MMP24: variants seen among roughly 807,000 people sequenced by gnomAD.
MMP24 encodes the protein matrix metallopeptidase 24.
MMP24 carries 25 observed loss-of-function variants against 62.8 expected under a neutral mutation model. That is an observed-to-expected ratio of 0.40 (90% CI 0.29 to 0.56). The LOEUF is 0.56. MMP24 is among the 20% of genes least tolerant of loss of function. MMP24 has a pLI of 0.50. For missense variants in MMP24, 634 were observed against 853.6 expected (o/e 0.74, Z 3.21); for synonymous variants, 319 against 350.5 (o/e 0.91, Z 1.00).
intron 7 of MMP24, among the ~76,000 whole-genome samples, chr20:35,270,451 C>T (rs750011300): frequency 4.6e-5 from 7 of 152,218 alleles, no homozygotes; most frequent in Non-Finnish European, 7.3e-5. Context: ...ACGGAGGCCC[C>T]GCCTTGGAAA....
chr20:35,263,817 C>G lies in MMP24; in HGVS notation c.844C>G (p.His282Asp). ...DGNDLFLVAV[H>D]ELGHALGLEH... ...GAACGACCTCTTCCTGGTGGCTGTG[C>G]ATGAGCTGGGCCACGCGCTGGGACT... Residue 282 changes from histidine (H) to aspartate (D), a missense_variant, in exon 5 of 9, where the codon CAT (histidine) becomes GAT (aspartate). Physicochemically the swap from His to Asp is moderately conservative, Grantham distance 81. Coordinates refer to ENST00000246186, the MANE Select transcript of MMP24 (RefSeq NM_006690.4). The G allele has an allele frequency of 6.3e-7, 1 of 1,593,402 alleles. No homozygotes were observed. Among genetic ancestry groups the G allele is most frequent in the Non-Finnish European group, 8.5e-7 (1 of 1,170,004 alleles).
At chr20:35,230,552 T>C (rs1284846081) in intron 1 of MMP24, among the ~76,000 whole-genome samples, 1 of 152,250 alleles carries the variant, frequency 6.6e-6, no homozygotes, top group African/African-American at 2.4e-5. Context: ...ATGGGACTCA[T>C]TGCCAACTTG....
At chr20:35,240,692 G>A (rs2060484790) in intron 1 of MMP24, among the ~76,000 whole-genome samples, 1 of 152,072 alleles carries the variant, frequency 6.6e-6, no homozygotes, top group Admixed American at 6.6e-5. Context: ...ATAGATACCA[G>A]GAATTGTGCT....
chr20:35,247,399 CAAACA>C (rs1250178396), intron 2 of MMP24, among the ~76,000 whole-genome samples: 3 of 151,994 alleles, frequency 2.0e-5, no homozygotes, highest in Non-Finnish European at 4.4e-5. Flanking sequence ...TTCCATTTAC[CAAACA>C]TGTGCTGGGT....
At chr20:35,264,415 G>A (rs1392815399) in intron 5 of MMP24, among the ~76,000 whole-genome samples, 2 of 152,194 alleles carry the variant, frequency 1.3e-5, no homozygotes, top group African/African-American at 4.8e-5. Context: ...ACGAGGGCCA[G>A]GCGTGGTGGC....
intron 2 of MMP24, 141 bp downstream of exon 2, chr20:35,247,129 C>A (rs1272371278): frequency 1.9e-6 from 2 of 1,062,542 alleles, no homozygotes; most frequent in African/African-American, 1.6e-5. Context: ...GAAAGAATAT[C>A]TCGATGTGAG....
chr20:35,267,226 A>G lies in MMP24; in HGVS notation c.1001A>G (p.Glu334Gly), dbSNP rs772943537. Residue 334 changes from glutamate (E) to glycine (G), a missense_variant, in exon 6 of 9, where the codon GAG becomes GGG. Transcript: ENST00000246186. ...KIYGPPAEPL[E>G]PTRPLPTLPV... is the part of the protein sequence containing the mutation. Reference sequence around the variant, plus strand: ...CCAGGACCCCCAGCCGAGCCTCTGGAGCCCACAAGGCCACTCCCTACACTC... The same window carrying G: ...CCAGGACCCCCAGCCGAGCCTCTGGGGCCCACAAGGCCACTCCCTACACTC... The G allele has an allele frequency of 5.6e-6, 9 of 1,601,016 alleles. No homozygotes were observed. The highest frequency in any genetic ancestry group is 6.8e-6 in the Non-Finnish European group (8 of 1,174,448).
intron 8 of MMP24, 191 bp downstream of exon 8, chr20:35,272,026 T>TC: frequency 1.5e-6 from 1 of 647,776 alleles, no homozygotes; most frequent in Non-Finnish European, 2.6e-6. Context: ...TCACACTTTT[T>TC]CATCTGCAGG....
chr20:35,233,357 CAGGATTGAACTACTGTACT>C (rs2060446367), intron 1 of MMP24, among the ~76,000 whole-genome samples: 1 of 151,952 alleles, frequency 6.6e-6, no homozygotes, highest in African/African-American at 2.4e-5. Flanking sequence ...TACAGTGAGC[CAGGATTGAACTACTGTACT>C]CCAGCCAAAG....
In MMP24 at chr20:35,276,046, G is replaced by A. The variant is rs2060703667; in HGVS notation, c.*1437G>A. 2.5e-6 allele frequency: 1 copy of A among 398,732 alleles called. No individual in the cohort carries two copies. The highest frequency in any genetic ancestry group is 4.4e-6 in the Non-Finnish European group (1 of 226,148). 24.7% of individuals were successfully genotyped at this position (398,732 alleles called of 1,614,324 possible). On this transcript the variant is annotated 3_prime_UTR_variant, in exon 9 of 9. Coordinates refer to ENST00000246186, the MANE Select transcript of MMP24 (RefSeq NM_006690.4). ...GGCTCTCTGCCAAAGCCAAAAAGGT[G>A]TCAGGCAGTCTCCAGCGTGCTGGCC... is the stretch of plus-strand genomic sequence containing the variant.
intron 5 of MMP24, among the ~76,000 whole-genome samples, chr20:35,264,769 G>GCTAT (rs1457680223): frequency 1.4e-5 from 2 of 147,948 alleles, no homozygotes; most frequent in African/African-American, 5.0e-5. Flanking sequence ...AGAAGCTACT[G>GCTAT]CTATCTAGGT....
rs2060689245 is a variant in MMP24 at position 35,274,149 on chromosome 20, C to T, written c.1601-123C>T. 8 of 974,960 alleles carry T rather than the reference C, an allele frequency of 8.2e-6. No individual in the cohort carries two copies. In the South Asian group the frequency reaches 1.3e-4, roughly 16 times the overall value. The allele number at this position is 974,960 out of a possible 1,614,324, so 60.4% of individuals were successfully genotyped here. A position where few individuals can be genotyped will look rare whatever the true frequency, so the allele number is the denominator to read the frequency against. On this transcript the variant is annotated intron_variant, in intron 8 of 8. Coordinates refer to ENST00000246186, the MANE Select transcript of MMP24 (RefSeq NM_006690.4). The surrounding 1 kb of genome is among the most constrained non-coding windows in gnomAD (Gnocchi z 5.1). ...CATGACTCAGCCAAGCACTGCACCC[C>T]AAACCTCCAGGTGTGCCCACCTTGC... is the stretch of plus-strand genomic sequence containing the variant.
At chr20:35,240,791 A>G (rs1180718929) in intron 1 of MMP24, among the ~76,000 whole-genome samples, 1 of 152,208 alleles carries the variant, frequency 6.6e-6, no homozygotes, top group African/African-American at 2.4e-5. Flanking sequence ...CTGTTCATTC[A>G]TTAACTCAGT....
At chr20:35,238,477 G>A (rs2060473910) in intron 1 of MMP24, among the ~76,000 whole-genome samples, 1 of 152,186 alleles carries the variant, frequency 6.6e-6, no homozygotes, top group Non-Finnish European at 1.5e-5. Context: ...GAGGAGGGGA[G>A]AGTGAACTGA....
intron 5 of MMP24, among the ~76,000 whole-genome samples, chr20:35,264,584 T>G (rs1414437733): frequency 2.0e-5 from 3 of 150,482 alleles, no homozygotes; most frequent in African/African-American, 7.3e-5. Context: ...GGTGGGCAAG[T>G]GAAATCTCAG....
At chr20:35,251,450 G>A (rs1158968017) in intron 2 of MMP24, among the ~76,000 whole-genome samples, 1 of 152,180 alleles carries the variant, frequency 6.6e-6, no homozygotes, top group Non-Finnish European at 1.5e-5. Flanking sequence ...TATTCTCAGT[G>A]TTTGGGGAAG....
chr20:35,265,407 A>C (rs2060627627), intron 5 of MMP24, among the ~76,000 whole-genome samples: 1 of 151,402 alleles, frequency 6.6e-6, no homozygotes, highest in African/African-American at 2.4e-5. Context: ...ACACCACTGC[A>C]CTCCAGCCTA....
At chr20:35,248,305 C>A (rs1236629912) in intron 2 of MMP24, among the ~76,000 whole-genome samples, 7 of 146,224 alleles carry the variant, frequency 4.8e-5, no homozygotes, top group Admixed American at 1.3e-4. Context: ...ATTCCCCCCC[C>A]CTTTTTTTTT....
At chr20:35,273,779 G>T (rs2060686376) in intron 8 of MMP24, among the ~76,000 whole-genome samples, 1 of 152,084 alleles carries the variant, frequency 6.6e-6, no homozygotes, top group African/African-American at 2.4e-5. Context: ...GCTCCCAAAG[G>T]TCCTGCATCT....
Sources: gnomAD v4.1 joint callset for allele counts (sites outside exome capture counted in the v4.1 genomes callset) on GRCh38, gnomAD v4.1.1 for gene constraint, Gnocchi (gnomAD v3.1) non-coding constraint, MANE v1.5 for transcripts, NCBI Gene and HGNC (gene_info 2026-07-23, HGNC 2026-07-21) for gene names.